The following EPHA5 variants were observed in gnomAD, a reference collection of about 807,000 sequenced individuals.
EPHA5 encodes the protein EPH receptor A5.
EPHA5 carries 60 observed loss-of-function variants against 105.0 expected under a neutral mutation model. The observed-to-expected ratio is 0.57, with a 90% CI of 0.46 to 0.71. The LOEUF is 0.71. Among genes scored for constraint, EPHA5 ranks in the 30% least tolerant of loss-of-function variants. The pLI, the probability that EPHA5 is intolerant of heterozygous loss-of-function variation, is 0.00. For synonymous variants in EPHA5, 513 were observed against 449.1 expected (o/e 1.14, Z -1.80); for missense variants, 1,218 against 1,274.7 (o/e 0.96, Z 0.68).
intron 3 of EPHA5, among the ~76,000 whole-genome samples, chr4:65,550,864 A>G (rs1737829164): frequency 6.6e-6 from 1 of 151,960 alleles, no homozygotes; most frequent in South Asian, 2.1e-4. Context: ...AAAACAAAAA[A>G]CAACTACTAA....
At chr4:65,558,912 A>G (rs1738736147) in intron 3 of EPHA5, among the ~76,000 whole-genome samples, 1 of 152,176 alleles carries the variant, frequency 6.6e-6, no homozygotes, top group African/African-American at 2.4e-5. Context: ...ATTTTAAGAC[A>G]GTGATTTTTA....
chr4:65,581,576 G>A (rs1354921480), intron 3 of EPHA5, among the ~76,000 whole-genome samples: 3 of 151,542 alleles, frequency 2.0e-5, no homozygotes, highest in Non-Finnish European at 4.4e-5. Context: ...TTTTTCACTT[G>A]ACAATTTTAT....
intron 3 of EPHA5, among the ~76,000 whole-genome samples, chr4:65,580,236 A>T (rs1047319500): frequency 5.3e-5 from 8 of 151,936 alleles, no homozygotes; most frequent in Non-Finnish European, 1.2e-4. Context: ...TAAAATTATT[A>T]GGTTATAGCT....
intron 3 of EPHA5, among the ~76,000 whole-genome samples, chr4:65,545,129 G>A (rs1327518825): frequency 1.3e-5 from 2 of 151,840 alleles, no homozygotes; most frequent in Admixed American, 6.6e-5. Flanking sequence ...ACAAATATAT[G>A]TAGTCTCATT....
In EPHA5 at chr4:65,445,142, C is replaced by T. The variant is rs1343171089; in HGVS notation, c.1403-24577G>A. ...TTGGATACACATTTTTATAGGATAT[C>T]CATAAACTGAGGGCCATGGTAACTT... is the stretch of plus-strand genomic sequence containing the variant. On this transcript the variant is annotated intron_variant, in intron 5 of 16. Transcript: ENST00000613740. Among the ~76,000 whole-genome samples the T allele has an allele frequency of 2.6e-5, 4 of 152,028 alleles. No individual in the cohort carries two copies. In the South Asian group the frequency reaches 6.2e-4, roughly 24 times the overall value.
chr4:65,466,361 A>C (rs773036121), intron 5 of EPHA5, among the ~76,000 whole-genome samples: 2 of 152,218 alleles, frequency 1.3e-5, no homozygotes, highest in Non-Finnish European at 2.9e-5. Context: ...TGGTAAAGTG[A>C]GTGAGTGAGA....
intron 11 of EPHA5, among the ~76,000 whole-genome samples, chr4:65,357,850 A>T (rs1024898197): frequency 2.0e-5 from 3 of 151,478 alleles, no homozygotes; most frequent in Admixed American, 6.6e-5. Context: ...CTACAATTAA[A>T]AAAATGAGTT....
intron 3 of EPHA5, among the ~76,000 whole-genome samples, chr4:65,582,570 C>T (rs1303002205): frequency 1.3e-5 from 2 of 151,202 alleles, no homozygotes; most frequent in Non-Finnish European, 3.0e-5. Context: ...GAAGTGCTTT[C>T]TTGAAGTTGA....
intron 3 of EPHA5, among the ~76,000 whole-genome samples, chr4:65,589,246 G>GT (rs34031274): frequency 0.38 from 57,564 of 151,040 alleles, 11,405 homozygotes; most frequent in African/African-American, 0.5. Flanking sequence ...GCTAACAGAC[G>GT]TTTTTTTTTA....
At chr4:65,592,534 A>C (rs1487941665) in intron 3 of EPHA5, among the ~76,000 whole-genome samples, 1 of 150,744 alleles carries the variant, frequency 6.6e-6, no homozygotes, top group African/African-American at 2.5e-5. Flanking sequence ...AAAGAAAAAG[A>C]AAAGAAAAGA....
At chr4:65,638,555 T>C (rs1377722902) in intron 2 of EPHA5, among the ~76,000 whole-genome samples, 2 of 151,910 alleles carry the variant, frequency 1.3e-5, no homozygotes, top group African/African-American at 4.8e-5. Context: ...CTGACCACCA[T>C]GGAAAAACCC....
In EPHA5 at chr4:65,597,124, T is replaced by G. The variant is rs1378240541; in HGVS notation, c.910+4517A>C. 3.3e-5 allele frequency among the ~76,000 whole-genome samples: 5 copies of G among 152,318 alleles called. No individual in the cohort carries two copies. In the South Asian group the frequency reaches 1.0e-3, roughly 32 times the overall value. On this transcript the variant is annotated intron_variant, in intron 3 of 16. Transcript: ENST00000613740. ...TACTTTTTCTCCACAGCCCTTGACG[T>G]GTAACCCTCCTTATCCCGTATTTTA...
chr4:65,553,950 C>A (rs1270253902), intron 3 of EPHA5, among the ~76,000 whole-genome samples: 1 of 151,824 alleles, frequency 6.6e-6, no homozygotes, highest in Non-Finnish European at 1.5e-5. Context: ...AGCAGCTGTA[C>A]AAAGCAGACA....
intron 5 of EPHA5, among the ~76,000 whole-genome samples, chr4:65,421,224 C>T (rs1723916903): frequency 6.6e-6 from 1 of 151,998 alleles, no homozygotes. Context: ...GAAAATAGGA[C>T]TTATATATCT....
At chr4:65,612,096 C>T (rs1560772702) in intron 2 of EPHA5, among the ~76,000 whole-genome samples, 1 of 149,382 alleles carries the variant, frequency 6.7e-6, no homozygotes, top group Non-Finnish European at 1.5e-5. Flanking sequence ...ACTGTCAGTA[C>T]GTTGTCCAGT....
At chr4:65,546,407 A>G (rs1230219708) in intron 3 of EPHA5, among the ~76,000 whole-genome samples, 2 of 152,038 alleles carry the variant, frequency 1.3e-5, no homozygotes, top group Non-Finnish European at 2.9e-5. Context: ...AAAGGTGGAT[A>G]TGCTCAGTAT....
intron 2 of EPHA5, among the ~76,000 whole-genome samples, chr4:65,604,988 G>T (rs77012414): frequency 0.25 from 37,654 of 152,162 alleles, 5,539 homozygotes; most frequent in Middle Eastern, 0.4. Flanking sequence ...ATGGATTGCT[G>T]AATGCAATAT....
At chr4:65,585,065 C>T (rs1046757135) in intron 3 of EPHA5, among the ~76,000 whole-genome samples, 2 of 151,364 alleles carry the variant, frequency 1.3e-5, no homozygotes, top group African/African-American at 4.8e-5. Context: ...ATCTTCATTA[C>T]ATCTCTGTTT....
chr4:65,445,890 G>A (rs1262886997), intron 5 of EPHA5, among the ~76,000 whole-genome samples: 3 of 152,018 alleles, frequency 2.0e-5, no homozygotes, highest in East Asian at 1.9e-4. Flanking sequence ...TAGGGATGGC[G>A]TGCTTCTTAA....
Sources: gnomAD v4.1 joint callset for allele counts (sites outside exome capture counted in the v4.1 genomes callset) on GRCh38, gnomAD v4.1.1 for gene constraint, MANE v1.5 for transcripts, NCBI Gene and HGNC (gene_info 2026-07-23, HGNC 2026-07-21) for gene names.